Variants in ASAP1 observed in about 807,000 individuals in gnomAD.
ASAP1 encodes the protein ArfGAP with SH3 domain, ankyrin repeat and PH domain 1, also known as arf-GAP with SH3 domain, ANK repeat and PH domain-containing protein 1.
Under a neutral mutation model 145.2 loss-of-function variants are expected in ASAP1, and 43 were observed. The observed-to-expected ratio is 0.30, with a 90% confidence interval of 0.23 to 0.38. The LOEUF (loss-of-function observed/expected upper bound fraction) is 0.38, where lower values mean the gene tolerates loss of function less well. Among genes scored for constraint, ASAP1 ranks in the 10% least tolerant of loss-of-function variants. The probability of loss-of-function intolerance (pLI) is 1.00; values close to 1 mark genes in which losing one functional copy is unlikely to be tolerated. For synonymous variants in ASAP1, 546 were observed against 515.5 expected, an observed-to-expected ratio of 1.06 and a Z score of -0.80; for missense variants, 1,018 against 1,355.3, an observed-to-expected ratio of 0.75 and a Z score of 3.91.
At chr8:130,276,663 C>A (rs996504933) in intron 3 of ASAP1, among the ~76,000 whole-genome samples, 1 of 143,978 alleles carries the variant, frequency 6.9e-6, no homozygotes, top group African/African-American at 2.5e-5. Flanking sequence ...GCAGGCCAAA[C>A]GTGAACTGAG....
At chr8:130,178,660 T>C (rs1306571540) in intron 9 of ASAP1, among the ~76,000 whole-genome samples, 1 of 151,902 alleles carries the variant, frequency 6.6e-6, no homozygotes, top group South Asian at 2.1e-4. Flanking sequence ...AAGGCCAAGG[T>C]GGATCGCGAG....
intron 3 of ASAP1, among the ~76,000 whole-genome samples, chr8:130,238,225 G>T (rs76925231): frequency 0.044 from 6,667 of 152,114 alleles, 213 homozygotes; most frequent in Non-Finnish European, 0.065. Context: ...TCATTCCTCG[G>T]ATTTCTGGGC....
intron 3 of ASAP1, among the ~76,000 whole-genome samples, chr8:130,244,667 A>G (rs1322761810): frequency 1.3e-5 from 2 of 152,182 alleles, no homozygotes; most frequent in African/African-American, 4.8e-5. Flanking sequence ...TGTATGGCAC[A>G]CCTTTGGAAG....
intron 3 of ASAP1, among the ~76,000 whole-genome samples, chr8:130,247,523 C>G (rs1229134936): frequency 1.5e-5 from 2 of 137,716 alleles, no homozygotes; most frequent in Admixed American, 7.4e-5. Context: ...GATGGAGGAC[C>G]CTTAAAAAAA....
At position 130,054,783 on chromosome 8, in the gene ASAP1, G is replaced by A; in HGVS notation, c.3338C>T (p.Pro1113Leu). 6.2e-7 allele frequency: 1 copy of A among 1,613,670 alleles called. No homozygotes were observed. The highest frequency in any genetic ancestry group is 8.5e-7 in the Non-Finnish European group (1 of 1,179,654). Residue 1113 changes from proline to leucine, a missense_variant, in exon 30 of 30, where the codon CCT (proline) becomes CTT (leucine). This residue lies in a region of ASAP1 where 62 missense variants were observed against 97.8 expected (regional missense o/e 0.63). Transcript: ENST00000518721. Reference protein sequence around the residue: ...EWWIGHIEGQPERKGVFPVSF... With the variant: ...EWWIGHIEGQLERKGVFPVSF... ...CACTGGAAAGACCCCCTTCCTTTCA[G>A]GCTGTCCTTCGATGTGGCCAATCTG...
chr8:130,068,654 TC>T (rs2097435341), intron 27 of ASAP1, among the ~76,000 whole-genome samples: 1 of 152,182 alleles, frequency 6.6e-6, no homozygotes, highest in African/African-American at 2.4e-5. Context: ...AGGAGGCTAT[TC>T]CTGCGGTAAC....
intron 18 of ASAP1, among the ~76,000 whole-genome samples, chr8:130,120,537 C>T (rs760267766): frequency 3.3e-5 from 5 of 152,176 alleles, no homozygotes; most frequent in African/African-American, 7.2e-5. Flanking sequence ...CATTATTATC[C>T]GGGAGGCCAG....
chr8:130,299,092 A>C (rs2137395201), intron 3 of ASAP1, among the ~76,000 whole-genome samples: 1 of 152,208 alleles, frequency 6.6e-6, no homozygotes, highest in Non-Finnish European at 1.5e-5. Context: ...CTAAATGGGG[A>C]GGTGAAAAAA....
intron 1 of ASAP1, among the ~76,000 whole-genome samples, chr8:130,437,951 G>C (rs141262579): frequency 7.2e-5 from 11 of 152,314 alleles, no homozygotes; most frequent in African/African-American, 2.4e-4. Flanking sequence ...CGCACTTCCT[G>C]ACTTAGGGCA....
chr8:130,308,811 G>A (rs1346738375), intron 3 of ASAP1, among the ~76,000 whole-genome samples: 1 of 152,152 alleles, frequency 6.6e-6, no homozygotes, highest in Non-Finnish European at 1.5e-5. Context: ...GGAGGCCGAG[G>A]CAGGTGGGTC....
At chr8:130,365,304 T>TC (rs1826900071) in intron 2 of ASAP1, among the ~76,000 whole-genome samples, 1 of 152,262 alleles carries the variant, frequency 6.6e-6, no homozygotes, top group South Asian at 2.1e-4. Flanking sequence ...GTAGGCTTTT[T>TC]CTTCTCTAGG....
chr8:130,423,605 A>G (rs989598874), intron 1 of ASAP1, among the ~76,000 whole-genome samples: 6 of 152,238 alleles, frequency 3.9e-5, no homozygotes, highest in African/African-American at 1.4e-4. Context: ...GATCATGTAA[A>G]TCTATATTTA....
chr8:130,149,251 A>G (rs748322706), intron 13 of ASAP1, among the ~76,000 whole-genome samples: 12 of 149,078 alleles, frequency 8.0e-5, no homozygotes, highest in Non-Finnish European at 1.5e-4. Flanking sequence ...GATGGTCCAT[A>G]GTTGGAAGCT....
At chr8:130,166,468 G>A (rs1266054640) in intron 11 of ASAP1, among the ~76,000 whole-genome samples, 2 of 152,128 alleles carry the variant, frequency 1.3e-5, no homozygotes, top group African/African-American at 2.4e-5. Context: ...CTCAGAAACT[G>A]CATTTCTGAC....
At chr8:130,064,047 G>A (rs950484091) in intron 27 of ASAP1, among the ~76,000 whole-genome samples, 2 of 152,178 alleles carry the variant, frequency 1.3e-5, no homozygotes, top group African/African-American at 4.8e-5. Context: ...CGTCAAAAAT[G>A]TGCAGGAGGC....
intron 4 of ASAP1, among the ~76,000 whole-genome samples, chr8:130,221,584 G>C (rs564033956): frequency 6.6e-6 from 1 of 152,144 alleles, no homozygotes; most frequent in Admixed American, 6.5e-5. Context: ...TCTGCTCTTT[G>C]CTAAAATGGT....
At chr8:130,414,598 T>C (rs761464740) in intron 1 of ASAP1, among the ~76,000 whole-genome samples, 3 of 152,226 alleles carry the variant, frequency 2.0e-5, no homozygotes, top group Non-Finnish European at 4.4e-5. Flanking sequence ...AATACACACA[T>C]AACTGATGCT....
chr8:130,227,305 C>T (rs1817640773), intron 4 of ASAP1, among the ~76,000 whole-genome samples: 1 of 152,022 alleles, frequency 6.6e-6, no homozygotes, highest in African/African-American at 2.4e-5. Flanking sequence ...CAGGTTGGAG[C>T]ACACTGGCGC....
intron 10 of ASAP1, 91 bp from the exon 11 acceptor site, chr8:130,167,713 A>C (rs2097682796): frequency 1.1e-6 from 1 of 928,038 alleles, no homozygotes; most frequent in South Asian, 1.5e-5. Flanking sequence ...TCAAAATTCT[A>C]TTATATATTT....
Sources: gnomAD v4.1 joint callset for allele counts (sites outside exome capture counted in the v4.1 genomes callset) on GRCh38, gnomAD v4.1.1 for gene constraint, gnomAD v4.1.1 regional missense constraint, MANE v1.5 for transcripts, NCBI Gene and HGNC (gene_info 2026-07-23, HGNC 2026-07-21) for gene names.